JMJD1C: variants seen among roughly 807,000 people sequenced by gnomAD.
JMJD1C encodes the protein jumonji domain-containing protein 1C.
In JMJD1C, 31 loss-of-function variants were observed where a neutral mutation model predicts 245.3. The ratio of observed to expected loss-of-function variants is 0.13; its 90% CI spans 0.09 to 0.17. The LOEUF is 0.17. JMJD1C is among the 10% of genes least tolerant of loss of function. The pLI, the probability that JMJD1C is intolerant of heterozygous loss-of-function variation, is 1.00. For missense variants in JMJD1C, 2,691 were observed against 3,000.2 expected (o/e 0.90, Z 2.41); for synonymous variants, 1,057 against 1,017.4 (o/e 1.04, Z -0.74).
Position 63,234,493 on chromosome 10 carries a change from T to TAAAAA in JMJD1C, c.448-14515_448-14511dup, listed in dbSNP as rs71025129. Among the ~76,000 whole-genome samples, 91 of 37,026 alleles carry TAAAAA rather than the reference T, an allele frequency of 2.5e-3. 4 individuals are homozygous for TAAAAA. Among genetic ancestry groups the TAAAAA allele is most frequent in the African/African-American group, 7.7e-3 (69 of 8,904 alleles). 24.3% of individuals were successfully genotyped at this position (37,026 alleles called of 152,430 possible). On this transcript the variant is annotated intron_variant, in intron 3 of 25. Transcript: ENST00000399262. ...TCATCAACAGAGAGAAACCTCCTCT[T>TAAAAA]AAAAAAAAAAAAAAAAAAAAAAAAA... is the stretch of plus-strand genomic sequence containing the variant.
chr10:63,199,087 GA>G (rs1845751944), intron 11 of JMJD1C, among the ~76,000 whole-genome samples: 1 of 152,100 alleles, frequency 6.6e-6, no homozygotes, highest in African/African-American at 2.4e-5. Flanking sequence ...ATCTAAATCG[GA>G]ATCACCAAAG....
At chr10:63,420,395 C>T (rs1247630757) in intron 1 of JMJD1C, among the ~76,000 whole-genome samples, 1 of 151,766 alleles carries the variant, frequency 6.6e-6, no homozygotes, top group African/African-American at 2.4e-5. Context: ...TCTTTAAGGC[C>T]CATTTAAAGA....
chr10:63,260,265 A>C (rs1854526014), intron 3 of JMJD1C, among the ~76,000 whole-genome samples: 1 of 152,216 alleles, frequency 6.6e-6, no homozygotes. Context: ...TGATGCCTAA[A>C]AATACTGGAC....
intron 2 of JMJD1C, among the ~76,000 whole-genome samples, chr10:63,368,397 AG>A (rs959566699): frequency 6.6e-6 from 1 of 152,198 alleles, no homozygotes; most frequent in African/African-American, 2.4e-5. Context: ...AACAGCACAT[AG>A]GGAAACCAGT....
At chr10:63,251,504 G>A (rs72829195) in intron 3 of JMJD1C, among the ~76,000 whole-genome samples, 9 of 152,276 alleles carry the variant, frequency 5.9e-5, no homozygotes, top group Non-Finnish European at 7.4e-5. Flanking sequence ...GAATACTTGA[G>A]TGAAGCAATC....
chr10:63,440,565 A>G (rs1242534427), intron 1 of JMJD1C, among the ~76,000 whole-genome samples: 1 of 152,160 alleles, frequency 6.6e-6, no homozygotes, highest in Non-Finnish European at 1.5e-5. Flanking sequence ...AAATTCAAAC[A>G]CATTCTCTGA....
chr10:63,412,874 T>C (rs993357002), intron 1 of JMJD1C, among the ~76,000 whole-genome samples: 1 of 152,226 alleles, frequency 6.6e-6, no homozygotes, highest in Non-Finnish European at 1.5e-5. Flanking sequence ...CTAAAATATT[T>C]TGCAATATAT....
chr10:63,411,298 T>C (rs1176563612), intron 1 of JMJD1C, among the ~76,000 whole-genome samples: 76 of 146,754 alleles, frequency 5.2e-4, no homozygotes, highest in African/African-American at 1.8e-3. Flanking sequence ...CACTGATTTT[T>C]TTTTTTTTTT....
At chr10:63,373,733 CCTCAAATTT>C (rs1946497065) in intron 2 of JMJD1C, among the ~76,000 whole-genome samples, 1 of 152,004 alleles carries the variant, frequency 6.6e-6, no homozygotes, top group Non-Finnish European at 1.5e-5. Flanking sequence ...TATACAGATC[CCTCAAATTT>C]CTCAAATCTG....
In JMJD1C at chr10:63,378,564, C is replaced by T. The variant is rs189469767; in HGVS notation, c.333+1754G>A. On this transcript the variant is annotated intron_variant, in intron 2 of 25. Coordinates refer to ENST00000399262, the MANE Select transcript of JMJD1C (RefSeq NM_032776.3). ...CCGAGATCATGCCACTGCACTCCAG[C>T]CTGGGCAACAGAGTGAGACTCCATC... is the stretch of plus-strand genomic sequence containing the variant. Among the ~76,000 whole-genome samples, 571 of 152,222 alleles carry T rather than the reference C, an allele frequency of 3.8e-3. 4 individuals are homozygous for T. The highest frequency in any genetic ancestry group is 0.029 in the South Asian group (140 of 4,820).
At chr10:63,492,046 CTT>C (rs1299909454) in intron 1 of JMJD1C, among the ~76,000 whole-genome samples, 2 of 152,088 alleles carry the variant, frequency 1.3e-5, no homozygotes, top group Non-Finnish European at 2.9e-5. Flanking sequence ...TTTCTTTCTT[CTT>C]TCTCTCTCTC....
intron 16 of JMJD1C, 46 bp from the exon 17 acceptor site, chr10:63,191,154 C>A (rs748188629): frequency 6.7e-7 from 1 of 1,502,294 alleles, no homozygotes; most frequent in Non-Finnish European, 9.2e-7. Context: ...TGTTTTGAGA[C>A]GGAGTCTCAT....
At chr10:63,300,829 T>C (rs1369742500) in intron 2 of JMJD1C, among the ~76,000 whole-genome samples, 3 of 151,196 alleles carry the variant, frequency 2.0e-5, no homozygotes, top group Admixed American at 1.3e-4. Flanking sequence ...GAGAAAGGGG[T>C]TGCAGTGAGC....
At chr10:63,234,942 CTT>C (rs1850547972) in intron 3 of JMJD1C, among the ~76,000 whole-genome samples, 1 of 151,880 alleles carries the variant, frequency 6.6e-6, no homozygotes, top group Non-Finnish European at 1.5e-5. Flanking sequence ...TCAAATTTAA[CTT>C]AGCTAGAGGG....
At chr10:63,260,747 G>GT (rs1854602210) in intron 3 of JMJD1C, among the ~76,000 whole-genome samples, 1 of 151,522 alleles carries the variant, frequency 6.6e-6, no homozygotes, top group Non-Finnish European at 1.5e-5. Context: ...CCGCCACCAC[G>GT]CCGGTTAATT....
chr10:63,254,568 T>C (rs1016778462), intron 3 of JMJD1C, among the ~76,000 whole-genome samples: 8 of 151,940 alleles, frequency 5.3e-5, no homozygotes, highest in Admixed American at 2.0e-4. Context: ...GAGACAAGAG[T>C]CTCACTTTGT....
intron 19 of JMJD1C, among the ~76,000 whole-genome samples, chr10:63,185,880 AGTT>A: frequency 6.6e-6 from 1 of 152,348 alleles, no homozygotes; most frequent in East Asian, 1.9e-4. Context: ...ATATCTCAAA[AGTT>A]GTTTTTAAAA....
intron 2 of JMJD1C, among the ~76,000 whole-genome samples, chr10:63,282,950 T>C (rs893147645): frequency 2.6e-5 from 4 of 152,224 alleles, no homozygotes; most frequent in African/African-American, 9.6e-5. Context: ...TCTCCTGACC[T>C]TGTGATCTGC....
intron 3 of JMJD1C, among the ~76,000 whole-genome samples, chr10:63,254,549 G>T (rs1288217528): frequency 2.0e-5 from 3 of 151,894 alleles, no homozygotes; most frequent in Non-Finnish European, 4.4e-5. Context: ...TTGAGTTCAG[G>T]TTTTTTTTGA....
Sources: allele counts gnomAD v4.1 joint callset (sites outside exome capture counted in the v4.1 genomes callset), GRCh38; gene constraint gnomAD v4.1.1; transcripts MANE v1.5; gene names NCBI Gene and HGNC (gene_info 2026-07-23, HGNC 2026-07-21).